Variants in ITPR1 observed in about 807,000 individuals in gnomAD.
ITPR1 encodes the protein inositol 1,4,5-trisphosphate receptor type 1, also known as inositol 1,4,5-trisphosphate-gated calcium channel ITPR1.
In ITPR1, 96 loss-of-function variants were observed where a neutral mutation model predicts 318.4. The ratio of observed to expected loss-of-function variants is 0.30; its 90% CI spans 0.26 to 0.36. The LOEUF (loss-of-function observed/expected upper bound fraction) is 0.36. Among genes scored for constraint, ITPR1 ranks in the 10% least tolerant of loss-of-function variants. ITPR1 has a pLI of 1.00. For missense variants in ITPR1, 2,440 were observed against 3,460.2 expected (o/e 0.71, Z 7.40); for synonymous variants, 1,312 against 1,289.9 (o/e 1.02, Z -0.37).
intron 5 of ITPR1, among the ~76,000 whole-genome samples, chr3:4,637,140 G>A (rs1354248895): frequency 6.6e-6 from 1 of 152,180 alleles, no homozygotes; most frequent in Non-Finnish European, 1.5e-5. Context: ...CTTGGGCTTT[G>A]AACAGAGAAA....
rs554822089 is a variant in ITPR1, at chr3:4,519,969, G to C, written c.93-1055G>C. ...GTGGAGAAGGTGGGGCTCTTACCCTGAGTCCTGAAAGACAGGCAGGACTTG... is the reference window on the plus strand; with the variant it reads ...GTGGAGAAGGTGGGGCTCTTACCCTCAGTCCTGAAAGACAGGCAGGACTTG... On this transcript the variant is annotated intron_variant, in intron 3 of 61. Coordinates refer to ENST00000649015, the MANE Select transcript of ITPR1 (RefSeq NM_001378452.1). 8.5e-5 allele frequency among the ~76,000 whole-genome samples: 13 copies of C among 152,290 alleles called. No homozygotes were observed. In the East Asian group the frequency reaches 2.5e-3, roughly 29 times the overall value.
chr3:4,536,090 T>A (rs2083846228), intron 4 of ITPR1, among the ~76,000 whole-genome samples: 2 of 152,202 alleles, frequency 1.3e-5, no homozygotes, highest in Admixed American at 6.5e-5. Context: ...CAAAGAGGTT[T>A]CTGGTCCTTC....
chr3:4,827,962 G>T (rs2050189519), intron 60 of ITPR1, among the ~76,000 whole-genome samples: 1 of 151,994 alleles, frequency 6.6e-6, no homozygotes, highest in South Asian at 2.1e-4. Flanking sequence ...TGGCGAGACG[G>T]ATAACATCTT....
In ITPR1 at chr3:4,655,854, G is replaced by A. The variant is rs148580378; in HGVS notation, c.996+1968G>A. Among the ~76,000 whole-genome samples, 687 of 152,258 alleles carry A rather than the reference G, an allele frequency of 4.5e-3. 5 individuals are homozygous for A. The highest frequency in any genetic ancestry group is 0.014 in the African/African-American group (574 of 41,546). ...GCATGGAGAGGGGATCTTACCCGAC[G>A]CCCACACGGCCAACAGCACAGATCT... On this transcript the variant is annotated intron_variant, in intron 12 of 61. Transcript: ENST00000649015.
intron 60 of ITPR1, among the ~76,000 whole-genome samples, chr3:4,827,102 T>A (rs1189010129): frequency 6.6e-6 from 1 of 152,234 alleles, no homozygotes; most frequent in African/African-American, 2.4e-5. Context: ...CCTGCATACA[T>A]GCACGTTTTC....
rs199616704 is a variant in ITPR1, at chr3:4,540,529, CT to C, written c.163+19442del. Among the ~76,000 whole-genome samples, 1,271 of 152,042 alleles carry C rather than the reference CT, an allele frequency of 8.4e-3. 22 individuals are homozygous for C. Among genetic ancestry groups the C allele is most frequent in the African/African-American group, 0.029 (1,210 of 41,464 alleles). On this transcript the variant is annotated intron_variant, in intron 4 of 61. Coordinates refer to ENST00000649015, the MANE Select transcript of ITPR1 (RefSeq NM_001378452.1). ...TTTTAATTTGTGGGGTTTTTTAAAT[CT>C]TTTTTTCCCCCTCCTTTAAGTTTCA...
chr3:4,678,997 T>C (rs537432046), intron 24 of ITPR1, among the ~76,000 whole-genome samples: 1 of 152,008 alleles, frequency 6.6e-6, no homozygotes, highest in East Asian at 1.9e-4. Context: ...TAAGAACAAG[T>C]GGTTAGGAGG....
chr3:4,672,343 T>A (rs2094104949), intron 20 of ITPR1, among the ~76,000 whole-genome samples: 1 of 152,242 alleles, frequency 6.6e-6, no homozygotes, highest in South Asian at 2.1e-4. Context: ...ATTTTATAAG[T>A]GTGAAATAGA....
intron 45 of ITPR1, among the ~76,000 whole-genome samples, chr3:4,767,696 A>C (rs2045909254): frequency 6.6e-6 from 1 of 152,136 alleles, no homozygotes; most frequent in Non-Finnish European, 1.5e-5. Context: ...TGTTTAAAAC[A>C]ATTTTTTGTT....
chr3:4,712,594 A>G (rs2041462580), intron 39 of ITPR1, among the ~76,000 whole-genome samples: 1 of 152,264 alleles, frequency 6.6e-6, no homozygotes, highest in African/African-American at 2.4e-5. Context: ...TGAGTAGGTG[A>G]ATATGCTGAT....
chr3:4,796,684 C>T (rs1414967064), intron 53 of ITPR1, among the ~76,000 whole-genome samples: 1 of 152,160 alleles, frequency 6.6e-6, no homozygotes, highest in Admixed American at 6.6e-5. Flanking sequence ...TTAACAGCCC[C>T]CCACCCTTCA....
At chr3:4,838,225 A>T (rs1392861533) in intron 61 of ITPR1, among the ~76,000 whole-genome samples, 1 of 152,238 alleles carries the variant, frequency 6.6e-6, no homozygotes, top group Non-Finnish European at 1.5e-5. Flanking sequence ...GGCCTTATTT[A>T]TGAAGGTTGT....
At chr3:4,615,967 A>G (rs1354691845) in intron 4 of ITPR1, among the ~76,000 whole-genome samples, 2 of 152,196 alleles carry the variant, frequency 1.3e-5, no homozygotes, top group African/African-American at 2.4e-5. Context: ...TTGTCTTCTA[A>G]TAACACGGTC....
intron 60 of ITPR1, among the ~76,000 whole-genome samples, chr3:4,821,258 T>C (rs2049698378): frequency 6.6e-6 from 1 of 152,230 alleles, no homozygotes; most frequent in Non-Finnish European, 1.5e-5. Context: ...CTTGCCTAAC[T>C]GCAGAAGGCT....
chr3:4,562,444 G>C (rs2086776892), intron 4 of ITPR1, among the ~76,000 whole-genome samples: 1 of 152,002 alleles, frequency 6.6e-6, no homozygotes, highest in Non-Finnish European at 1.5e-5. Context: ...TTTACTGATA[G>C]TATGTGCAAA....
intron 12 of ITPR1, 124 bp downstream of exon 12, chr3:4,654,010 C>G: frequency 3.1e-6 from 2 of 647,640 alleles, no homozygotes; most frequent in Non-Finnish European, 5.4e-6. Context: ...CTTAGGCTCC[C>G]TTAAAACACG....
intron 35 of ITPR1, 48 bp downstream of exon 35, chr3:4,699,989 CA>C: frequency 1.9e-6 from 3 of 1,573,430 alleles, no homozygotes; most frequent in Non-Finnish European, 2.6e-6. Flanking sequence ...ACACCTTCTG[CA>C]GTTGGGCTTG....
intron 23 of ITPR1, among the ~76,000 whole-genome samples, chr3:4,675,704 C>G (rs1032888753): frequency 6.6e-6 from 1 of 152,104 alleles, no homozygotes; most frequent in Non-Finnish European, 1.5e-5. Context: ...GCTATTTCCA[C>G]TTTGTGAGAA....
At chr3:4,776,679 G>A (rs551068725) in intron 47 of ITPR1, among the ~76,000 whole-genome samples, 26 of 152,178 alleles carry the variant, frequency 1.7e-4, no homozygotes, top group Non-Finnish European at 3.8e-4. Context: ...CAACAGGCTT[G>A]GGGAAAGGCT....
Sources: allele counts gnomAD v4.1 joint callset (sites outside exome capture counted in the v4.1 genomes callset), GRCh38; gene constraint gnomAD v4.1.1; transcripts MANE v1.5; gene names NCBI Gene and HGNC (gene_info 2026-07-23, HGNC 2026-07-21).